Variants in TPTE2 observed in about 807,000 individuals in gnomAD.
TPTE2 encodes the protein phosphatidylinositol 3,4,5-trisphosphate 3-phosphatase TPTE2.
In TPTE2, 53 loss-of-function variants were observed where a neutral mutation model predicts 78.6. The ratio of observed to expected loss-of-function variants is 0.67; its 90% CI spans 0.54 to 0.85. The LOEUF (loss-of-function observed/expected upper bound fraction) is 0.85. Among genes scored for constraint, TPTE2 ranks in the 40% least tolerant of loss-of-function variants. The pLI is 0.00. For missense variants in TPTE2, 461 were observed against 623.0 expected, an observed-to-expected ratio of 0.74 and a Z score of 2.77; for synonymous variants, 175 against 206.2, an observed-to-expected ratio of 0.85 and a Z score of 1.30.
intron 13 of TPTE2, among the ~76,000 whole-genome samples, chr13:19,446,475 C>T (rs1425971013): frequency 2.0e-5 from 3 of 152,080 alleles, no homozygotes; most frequent in African/African-American, 7.2e-5. Flanking sequence ...ATACTTCCCC[C>T]CCAACTTCCA....
At chr13:19,498,083 G>A (rs1881503812) in intron 1 of TPTE2, among the ~76,000 whole-genome samples, 1 of 151,486 alleles carries the variant, frequency 6.6e-6, no homozygotes, top group Non-Finnish European at 1.5e-5. Flanking sequence ...AATGAAGCGA[G>A]AAGGGAAGTT....
At chr13:19,427,623 T>C (rs1876232851) in intron 17 of TPTE2, among the ~76,000 whole-genome samples, 3 of 152,282 alleles carry the variant, frequency 2.0e-5, no homozygotes, top group South Asian at 2.1e-4. Context: ...TCTGTAACAC[T>C]TGGGGGTTGG....
At chr13:19,479,134 T>A (rs969825663) in intron 4 of TPTE2, among the ~76,000 whole-genome samples, 1 of 152,130 alleles carries the variant, frequency 6.6e-6, no homozygotes, top group African/African-American at 2.4e-5. Context: ...ATTGTGCACA[T>A]GTACCCTAGA....
At chr13:19,548,270 T>C in the TPTE2 span, among the ~76,000 whole-genome samples, 2 of 152,038 alleles carry the variant, frequency 1.3e-5, no homozygotes, top group Non-Finnish European at 2.9e-5. Flanking sequence ...AACTATTATT[T>C]ATTTTTCTGT....
intron 1 of TPTE2, among the ~76,000 whole-genome samples, chr13:19,531,962 A>C (rs563507600): frequency 6.6e-6 from 1 of 152,212 alleles, no homozygotes; most frequent in African/African-American, 2.4e-5. Context: ...GGGGCAATAC[A>C]TAGCCTGCCT....
intron 1 of TPTE2, among the ~76,000 whole-genome samples, chr13:19,496,237 T>G (rs1881304218): frequency 1.3e-5 from 2 of 152,200 alleles, no homozygotes; most frequent in African/African-American, 4.8e-5. Context: ...TTCTTTGGAA[T>G]CTGCCATGCC....
At chr13:19,423,442 C>T (rs534107692) in intron 19 of TPTE2, among the ~76,000 whole-genome samples, 1 of 152,330 alleles carries the variant, frequency 6.6e-6, no homozygotes, top group African/African-American at 2.4e-5. Flanking sequence ...CTAAATTTCT[C>T]TCTGTGACAG....
At position 19,492,256 on chromosome 13, in the gene TPTE2, T is replaced by C. The variant is rs1457320374; in HGVS notation, c.119+594A>G. 3.9e-5 allele frequency among the ~76,000 whole-genome samples: 6 copies of C among 152,228 alleles called. No homozygotes were observed. In the South Asian group the frequency reaches 1.2e-3, roughly 32 times the overall value. On this transcript the variant is annotated intron_variant, in intron 3 of 19. Transcript: ENST00000400230. ...CGCACCTGAGGAAAGCGGCATCCAA[T>C]GAGGTGGTGGGTTTGGGTTGGGTCT... is the stretch of plus-strand genomic sequence containing the variant.
chr13:19,498,026 G>C (rs781310480), intron 1 of TPTE2, among the ~76,000 whole-genome samples: 9 of 151,006 alleles, frequency 6.0e-5, no homozygotes, highest in African/African-American at 1.5e-4. Context: ...GAGCCGATGC[G>C]ATCAACTGGA....
At chr13:19,557,469 A>G in the TPTE2 span, among the ~76,000 whole-genome samples, 6 of 152,182 alleles carry the variant, frequency 3.9e-5, no homozygotes, top group Admixed American at 1.3e-4. Context: ...AAACACTGTC[A>G]TCGTGCACAC....
At chr13:19,481,440 A>T (rs1880351122) in intron 4 of TPTE2, among the ~76,000 whole-genome samples, 1 of 152,224 alleles carries the variant, frequency 6.6e-6, no homozygotes, top group Admixed American at 6.5e-5. Context: ...TATGATGTCA[A>T]AGCCAAGCAC....
chr13:19,462,144 A>G (rs1167002923), intron 10 of TPTE2, among the ~76,000 whole-genome samples: 2 of 151,856 alleles, frequency 1.3e-5, no homozygotes, highest in African/African-American at 2.4e-5. Flanking sequence ...CTGTAGCAAC[A>G]AAGTTTGATT....
intron 4 of TPTE2, among the ~76,000 whole-genome samples, chr13:19,477,355 C>T (rs1478870629): frequency 6.6e-6 from 1 of 151,488 alleles, no homozygotes; most frequent in Non-Finnish European, 1.5e-5. Flanking sequence ...ACGTGTACCT[C>T]CAAACCTAAA....
At chr13:19,546,269 A>G in the TPTE2 span, among the ~76,000 whole-genome samples, 263 of 152,254 alleles carry the variant, frequency 1.7e-3, no homozygotes, top group African/African-American at 6.1e-3. Flanking sequence ...CTATTGGGTT[A>G]GGCATGGGCA....
the TPTE2 span, among the ~76,000 whole-genome samples, chr13:19,548,658 T>C: frequency 2.0e-5 from 3 of 151,350 alleles, no homozygotes; most frequent in South Asian, 6.3e-4. Flanking sequence ...AGACTAGCCA[T>C]ATGCAGAAGA....
chr13:19,558,025 A>G, the TPTE2 span, among the ~76,000 whole-genome samples: 5 of 152,210 alleles, frequency 3.3e-5, no homozygotes, highest in Non-Finnish European at 7.4e-5. Context: ...TTCACATAGT[A>G]TTTTATAGCA....
At chr13:19,431,842 A>G (rs1438809657) in intron 16 of TPTE2, among the ~76,000 whole-genome samples, 2 of 132,168 alleles carry the variant, frequency 1.5e-5, no homozygotes, top group Non-Finnish European at 3.3e-5. Context: ...GGCTGCTAGA[A>G]GAGGTTTGCT....
chr13:19,524,761 C>T (rs924036552), intron 1 of TPTE2, among the ~76,000 whole-genome samples: 1 of 151,828 alleles, frequency 6.6e-6, no homozygotes, highest in South Asian at 2.1e-4. Context: ...TGAGCTTGGG[C>T]GTGAAGGACA....
intron 10 of TPTE2, 91 bp from the exon 14 acceptor site, chr13:19,451,316 T>C (rs1878171101): frequency 6.6e-7 from 1 of 1,520,782 alleles, no homozygotes; most frequent in Non-Finnish European, 9.0e-7. Flanking sequence ...TTACTTTTAT[T>C]AATTTGTCTC....
Sources: allele counts gnomAD v4.1 joint callset (sites outside exome capture counted in the v4.1 genomes callset), GRCh38; gene constraint gnomAD v4.1.1; transcripts MANE v1.5; gene names NCBI Gene and HGNC (gene_info 2026-07-23, HGNC 2026-07-21).